Variants in IPO11 observed in about 807,000 individuals in gnomAD.
IPO11 encodes importin-11.
Under a neutral mutation model 143.2 loss-of-function variants are expected in IPO11, and 66 were observed. The observed-to-expected ratio is 0.46, with a 90% CI of 0.38 to 0.57. The LOEUF (loss-of-function observed/expected upper bound fraction) is 0.57. Among genes scored for constraint, IPO11 ranks in the 20% least tolerant of loss-of-function variants. IPO11 has a pLI of 0.00. For missense variants in IPO11, 1,026 were observed against 1,141.0 expected (o/e 0.90, Z 1.45); for synonymous variants, 385 against 377.8 (o/e 1.02, Z -0.22).
chr5:62,520,619 C>T (rs919605239), intron 20 of IPO11, among the ~76,000 whole-genome samples: 17 of 152,170 alleles, frequency 1.1e-4, no homozygotes, highest in Non-Finnish European at 2.2e-4. Flanking sequence ...TGAGAACGTG[C>T]TGTGTTTGGT....
intron 1 of IPO11, among the ~76,000 whole-genome samples, chr5:62,426,402 A>G (rs1188800155): frequency 2.0e-5 from 3 of 152,146 alleles, no homozygotes; most frequent in African/African-American, 7.2e-5. Flanking sequence ...CAGACAAACA[A>G]ACAAACTATT....
At chr5:62,545,148 G>C (rs577635520) in intron 24 of IPO11, among the ~76,000 whole-genome samples, 21 of 152,076 alleles carry the variant, frequency 1.4e-4, no homozygotes, top group East Asian at 3.9e-4. Flanking sequence ...CAAGACAATC[G>C]TAAGCCAAAA....
intron 5 of IPO11, among the ~76,000 whole-genome samples, chr5:62,459,031 C>T (rs147655807): frequency 1.8e-4 from 27 of 152,178 alleles, no homozygotes; most frequent in East Asian, 1.5e-3. Context: ...AATCACTTCA[C>T]GGGATGCCTG....
At chr5:62,608,156 A>G (rs115882741) in intron 29 of IPO11, among the ~76,000 whole-genome samples, 55 of 152,280 alleles carry the variant, frequency 3.6e-4, no homozygotes, top group African/African-American at 1.2e-3. Context: ...TTGAACTCCA[A>G]CATTTCTCTC....
At chr5:62,462,294 C>A (rs1323636306) in intron 5 of IPO11, among the ~76,000 whole-genome samples, 1 of 151,616 alleles carries the variant, frequency 6.6e-6, no homozygotes, top group Non-Finnish European at 1.5e-5. Flanking sequence ...TAAATGCTTC[C>A]TTTTATTCAG....
intron 28 of IPO11, among the ~76,000 whole-genome samples, chr5:62,592,416 A>G (rs1745056837): frequency 6.6e-6 from 1 of 152,174 alleles, no homozygotes; most frequent in African/African-American, 2.4e-5. Flanking sequence ...ACATATTAAC[A>G]TAATGTGTCT....
chr5:62,566,205 C>T (rs1295904959), intron 27 of IPO11, among the ~76,000 whole-genome samples: 1 of 152,284 alleles, frequency 6.6e-6, no homozygotes, highest in African/African-American at 2.4e-5. Flanking sequence ...AATTGCCACA[C>T]TGTCTTCCAC....
At chr5:62,588,134 C>A (rs147609043) in intron 27 of IPO11, among the ~76,000 whole-genome samples, 117 of 152,262 alleles carry the variant, frequency 7.7e-4, no homozygotes, top group Admixed American at 1.4e-3. Flanking sequence ...CCACTTCAAC[C>A]ACACATTCCT....
At chr5:62,441,826 C>G (rs1389876804) in intron 2 of IPO11, among the ~76,000 whole-genome samples, 1 of 148,776 alleles carries the variant, frequency 6.7e-6, no homozygotes, top group African/African-American at 2.5e-5. Flanking sequence ...CGCTTTATAT[C>G]TCTTAAAAAT....
Position 62,451,523 on chromosome 5 carries a change from G to C in IPO11, c.313-207G>C, listed in dbSNP as rs116048364. Among the ~76,000 whole-genome samples, 1,207 of 152,238 alleles carry C rather than the reference G, an allele frequency of 7.9e-3. 20 individuals are homozygous for C. The highest frequency in any genetic ancestry group is 0.028 in the African/African-American group (1,143 of 41,530). ...CCTCGTTTCACACTGACAGATAATT[G>C]GGTAAAGGAGGACCTCATAGGTCCC... On this transcript the variant is annotated intron_variant, in intron 4 of 29. Coordinates refer to ENST00000325324, the MANE Select transcript of IPO11 (RefSeq NM_016338.5).
intron 16 of IPO11, among the ~76,000 whole-genome samples, chr5:62,500,793 A>C (rs1335638182): frequency 6.6e-6 from 1 of 152,184 alleles, no homozygotes; most frequent in Non-Finnish European, 1.5e-5. Flanking sequence ...CAACTGCACC[A>C]GGCCATGTCT....
chr5:62,628,007 G>T lies in IPO11; in HGVS notation c.*689G>T. The T allele has an allele frequency of 6.6e-6, 1 of 151,768 alleles. No individual in the cohort carries two copies. Among genetic ancestry groups the T allele is most frequent in the Admixed American group, 6.6e-5 (1 of 15,242 alleles). 9.4% of individuals were successfully genotyped at this position (151,768 alleles called of 1,614,324 possible). ...GTGCATTTGTAAGGGCCACAAAAGT[G>T]AACGTGTGGTACTGTAGTACCACGT... On this transcript the variant is annotated 3_prime_UTR_variant, in exon 30 of 30. Coordinates refer to ENST00000325324, the MANE Select transcript of IPO11 (RefSeq NM_016338.5).
chr5:62,549,794 TTA>T (rs1268478938), intron 24 of IPO11, among the ~76,000 whole-genome samples: 1 of 152,228 alleles, frequency 6.6e-6, no homozygotes. Flanking sequence ...AAAATAATTT[TTA>T]GTCAAGTTTT....
intron 4 of IPO11, among the ~76,000 whole-genome samples, chr5:62,450,977 A>T (rs1744904243): frequency 6.6e-6 from 1 of 152,158 alleles, no homozygotes; most frequent in Non-Finnish European, 1.5e-5. Context: ...CTCTTTCTTG[A>T]CAAAGGAGCT....
intron 1 of IPO11, among the ~76,000 whole-genome samples, chr5:62,435,116 A>ATATGTGTATATATGTATATATG (rs1554047190): frequency 1.9e-5 from 1 of 52,126 alleles, no homozygotes; most frequent in Non-Finnish European, 4.1e-5. Flanking sequence ...ATATGTATAT[A>ATATGTGTATATATGTATATATG]TGTATATATG....
At chr5:62,552,932 C>G (rs1743438685) in intron 26 of IPO11, among the ~76,000 whole-genome samples, 1 of 152,030 alleles carries the variant, frequency 6.6e-6, no homozygotes, top group South Asian at 2.1e-4. Context: ...ATCTGTCACC[C>G]CAAACACTTA....
intron 1 of IPO11, among the ~76,000 whole-genome samples, chr5:62,421,733 G>T (rs1426631398): frequency 6.6e-6 from 1 of 152,190 alleles, no homozygotes; most frequent in Non-Finnish European, 1.5e-5. Context: ...ACTCACAACT[G>T]AGAGAAAAAT....
At position 62,435,082 on chromosome 5, in the gene IPO11, G is replaced by GTGTATATATGTATATATGTATATATA. The variant is rs1561308698; in HGVS notation, c.-6-2130_-6-2105dup. On this transcript the variant is annotated intron_variant, in intron 1 of 29. Coordinates refer to ENST00000325324, the MANE Select transcript of IPO11 (RefSeq NM_016338.5). ...TATATGTATATATATGTATATATAT[G>GTGTATATATGTATATATGTATATATA]TGTATATATGTATATATGTATATAT... Among the ~76,000 whole-genome samples, 42 of 94,492 alleles carry GTGTATATATGTATATATGTATATATA rather than the reference G, an allele frequency of 4.4e-4. 1 individual carries two copies. The highest frequency in any genetic ancestry group is 4.1e-3 in the East Asian group (14 of 3,418). The allele number at this position is 94,492 out of a possible 152,430, so 62.0% of individuals were successfully genotyped here.
At chr5:62,581,037 T>G in intron 27 of IPO11, 1 of 1,551,038 alleles carries the variant, frequency 6.4e-7, no homozygotes, top group Non-Finnish European at 8.7e-7. Flanking sequence ...TTTTGCTAGC[T>G]TTTTTCATCT....
Sources: gnomAD v4.1 joint callset for allele counts (sites outside exome capture counted in the v4.1 genomes callset) on GRCh38, gnomAD v4.1.1 for gene constraint, MANE v1.5 for transcripts, NCBI Gene and HGNC (gene_info 2026-07-23, HGNC 2026-07-21) for gene names.